Variants in CNTNAP2 observed in about 807,000 individuals in gnomAD.
The protein encoded by CNTNAP2 is contactin-associated protein-like 2.
In CNTNAP2, 98 loss-of-function variants were observed where a neutral mutation model predicts 155.2. That is an observed-to-expected ratio of 0.63 (90% CI 0.54 to 0.75). CNTNAP2 has a LOEUF of 0.75. Among genes scored for constraint, CNTNAP2 ranks in the 30% least tolerant of loss-of-function variants. The pLI is 0.00. For synonymous variants in CNTNAP2, 651 were observed against 631.2 expected (o/e 1.03, Z -0.47); for missense variants, 1,727 against 1,688.1 (o/e 1.02, Z -0.40).
At chr7:146,595,582 G>T (rs1425350302) in intron 1 of CNTNAP2, among the ~76,000 whole-genome samples, 1 of 151,942 alleles carries the variant, frequency 6.6e-6, no homozygotes, top group Non-Finnish European at 1.5e-5. Flanking sequence ...AGCAATTCTT[G>T]AAACAGTAGG....
chr7:146,246,906 G>A (rs1431074985), intron 1 of CNTNAP2, among the ~76,000 whole-genome samples: 1 of 152,200 alleles, frequency 6.6e-6, no homozygotes, highest in African/African-American at 2.4e-5. Flanking sequence ...ATGTTTGGAA[G>A]TTCTTGTGTG....
At chr7:146,414,197 G>A (rs894289939) in intron 1 of CNTNAP2, among the ~76,000 whole-genome samples, 4 of 151,934 alleles carry the variant, frequency 2.6e-5, no homozygotes, top group East Asian at 1.9e-4. Context: ...AAATTTATTC[G>A]TGATTCTTAG....
chr7:146,365,443 T>G (rs547451771), intron 1 of CNTNAP2, among the ~76,000 whole-genome samples: 2 of 152,298 alleles, frequency 1.3e-5, no homozygotes, highest in East Asian at 1.9e-4. Context: ...AACTAAGCAC[T>G]AAAACACTTA....
chr7:146,540,231 G>A lies in CNTNAP2; in HGVS notation c.98-234040G>A, dbSNP rs1797930426. ...AGTTAAATTATCTTTATTGGATTCAGTATTGTTTAATATAGGGTCAGAGAA... is the reference window on the plus strand; with the variant it reads ...AGTTAAATTATCTTTATTGGATTCAATATTGTTTAATATAGGGTCAGAGAA... On this transcript the variant is annotated intron_variant, in intron 1 of 23. Transcript: ENST00000361727. Among the ~76,000 whole-genome samples the A allele has an allele frequency of 2.0e-5, 3 of 152,054 alleles. 1 individual carries two copies. The highest frequency in any genetic ancestry group is 4.1e-4 in the South Asian group (2 of 4,832).
chr7:146,877,218 G>A (rs1795446700), intron 3 of CNTNAP2, among the ~76,000 whole-genome samples: 1 of 152,092 alleles, frequency 6.6e-6, no homozygotes, highest in Non-Finnish European at 1.5e-5. Context: ...ACATAGGAAA[G>A]GGGCCAGGCA....
At chr7:148,319,391 A>G (rs969487797) in intron 21 of CNTNAP2, among the ~76,000 whole-genome samples, 1 of 152,170 alleles carries the variant, frequency 6.6e-6, no homozygotes, top group Non-Finnish European at 1.5e-5. Flanking sequence ...AATTATTAAG[A>G]TATCAAAACT....
chr7:146,197,835 C>T (rs1209026512), intron 1 of CNTNAP2, among the ~76,000 whole-genome samples: 6 of 152,104 alleles, frequency 3.9e-5, no homozygotes, highest in Non-Finnish European at 8.8e-5. Context: ...CATTTTCACA[C>T]TGCTATAAAA....
At chr7:147,433,913 T>C (rs1172375614) in intron 10 of CNTNAP2, among the ~76,000 whole-genome samples, 1 of 152,238 alleles carries the variant, frequency 6.6e-6, no homozygotes, top group African/African-American at 2.4e-5. Flanking sequence ...GAAATTAGTA[T>C]ATATTAAAAT....
chr7:147,662,835 C>G (rs748741330), intron 13 of CNTNAP2, among the ~76,000 whole-genome samples: 6 of 152,158 alleles, frequency 3.9e-5, no homozygotes, highest in Non-Finnish European at 7.3e-5. Flanking sequence ...ATTAATACAA[C>G]CAACGAAAGC....
chr7:148,266,189 G>A lies in CNTNAP2; in HGVS notation c.3382-844G>A, dbSNP rs138986380. 1.8e-3 allele frequency among the ~76,000 whole-genome samples: 275 copies of A among 152,280 alleles called. 1 individual carries two copies. Among genetic ancestry groups the A allele is most frequent in the African/African-American group, 6.4e-3 (266 of 41,550 alleles). On this transcript the variant is annotated intron_variant, in intron 20 of 23. Coordinates refer to ENST00000361727, the MANE Select transcript of CNTNAP2 (RefSeq NM_014141.6). ...CCTCTCGTCATGCTGACCTTAGCAC[G>A]TATTAAACTCACTTCAGAAAAATGA...
At chr7:147,343,672 C>A (rs899672843) in intron 9 of CNTNAP2, among the ~76,000 whole-genome samples, 1 of 152,086 alleles carries the variant, frequency 6.6e-6, no homozygotes, top group Non-Finnish European at 1.5e-5. Flanking sequence ...TCACTCAGTG[C>A]GGCAATGATA....
chr7:146,833,060 C>T (rs1267585077), intron 2 of CNTNAP2, among the ~76,000 whole-genome samples: 1 of 152,110 alleles, frequency 6.6e-6, no homozygotes, highest in Non-Finnish European at 1.5e-5. Context: ...AGTTTATTTT[C>T]CTATCAACCA....
intron 1 of CNTNAP2, among the ~76,000 whole-genome samples, chr7:146,480,687 CTTTTTTTTTTTT>C (rs34440695): frequency 8.3e-6 from 1 of 121,186 alleles, no homozygotes; most frequent in Non-Finnish European, 1.7e-5. Flanking sequence ...TTTTTTTTTC[CTTTTTTTTTTTT>C]TTTTTTTTAG....
intron 21 of CNTNAP2, among the ~76,000 whole-genome samples, chr7:148,312,774 A>T (rs1797616660): frequency 6.6e-6 from 1 of 152,094 alleles, no homozygotes; most frequent in African/African-American, 2.4e-5. Context: ...AATCCTTTTA[A>T]AGCATGCTGT....
intron 1 of CNTNAP2, among the ~76,000 whole-genome samples, chr7:146,716,213 G>GAAAAA (rs571237905): frequency 1.8e-5 from 2 of 113,066 alleles, no homozygotes; most frequent in African/African-American, 3.0e-5. Flanking sequence ...AAGTCTGCAG[G>GAAAAA]AAAAAAAAAA....
intron 1 of CNTNAP2, among the ~76,000 whole-genome samples, chr7:146,583,877 T>C (rs2129148240): frequency 6.6e-6 from 1 of 152,298 alleles, no homozygotes; most frequent in South Asian, 2.1e-4. Flanking sequence ...TGTATAACAC[T>C]CTCCTTGTAC....
chr7:147,260,016 T>G (rs1439489285), intron 8 of CNTNAP2, among the ~76,000 whole-genome samples: 1 of 152,204 alleles, frequency 6.6e-6, no homozygotes, highest in Non-Finnish European at 1.5e-5. Flanking sequence ...TCAGTCTTGT[T>G]GGAGACGACT....
intron 15 of CNTNAP2, among the ~76,000 whole-genome samples, chr7:148,055,188 A>C (rs1802984342): frequency 6.6e-6 from 1 of 152,090 alleles, no homozygotes; most frequent in Non-Finnish European, 1.5e-5. Context: ...CCAGCCTATA[A>C]ATAGGCATCT....
chr7:147,438,929 G>T (rs1165604285), intron 10 of CNTNAP2, among the ~76,000 whole-genome samples: 1 of 151,896 alleles, frequency 6.6e-6, no homozygotes, highest in Non-Finnish European at 1.5e-5. Context: ...TGTGGTATTA[G>T]TTATAATGTC....
Sources: gnomAD v4.1 joint callset for allele counts (sites outside exome capture counted in the v4.1 genomes callset) on GRCh38, gnomAD v4.1.1 for gene constraint, MANE v1.5 for transcripts, NCBI Gene and HGNC (gene_info 2026-07-23, HGNC 2026-07-21) for gene names.